Variants in TLN2 observed in about 807,000 individuals in gnomAD.
The protein encoded by TLN2 is talin 2.
A neutral mutation model predicts 294.7 loss-of-function variants in TLN2; 118 were observed. The ratio of observed to expected loss-of-function variants is 0.40; its 90% confidence interval spans 0.34 to 0.47. TLN2 has a LOEUF of 0.47. Among genes scored for constraint, TLN2 ranks in the 20% least tolerant of loss-of-function variants. The pLI is 0.84. For synonymous variants in TLN2, 1,431 were observed against 1,304.5 expected (o/e 1.10, Z -2.09); for missense variants, 3,083 against 3,282.2 (o/e 0.94, Z 1.48).
chr15:62,707,198 T>C lies in TLN2; in HGVS notation c.2117T>C (p.Ile706Thr), dbSNP rs772507203. ...AEDTVLQNRV[I>T]AAATQCALST... ...GACACTGTCCTACAGAACAGGGTAA[T>C]TGCTGCTGCCACCCAGTGTGCCCTC... Residue 706 changes from isoleucine to threonine, a missense_variant, in exon 20 of 59, where the codon ATT (isoleucine) becomes ACT (threonine). Coordinates refer to ENST00000636159, the MANE Select transcript of TLN2 (RefSeq NM_015059.3). The C allele has an allele frequency of 1.2e-6, 2 of 1,613,984 alleles. No individual in the cohort carries two copies. Among genetic ancestry groups the C allele is most frequent in the Non-Finnish European group, 1.7e-6 (2 of 1,179,916 alleles).
At chr15:62,612,173 A>G (rs566456575) in intron 2 of TLN2, among the ~76,000 whole-genome samples, 204 of 152,314 alleles carry the variant, frequency 1.3e-3, no homozygotes, top group Non-Finnish European at 2.2e-3. Context: ...TCATTGAACA[A>G]TCGTCCTTCA....
In TLN2 at chr15:62,783,869, A is replaced by G. The variant is rs148751789; in HGVS notation, c.5715A>G (p.Ala1905=). Residue 1905 remains alanine, a synonymous_variant, in exon 45 of 59, where the codon GCA becomes GCG. Coordinates refer to ENST00000636159, the MANE Select transcript of TLN2 (RefSeq NM_015059.3). Reference sequence around the variant, plus strand: ...TGGCTTTCCAGGGCCAGATGGCAGCAGCCACGGCGGAACCAGAGGAGGTCT... The same window carrying G: ...TGGCTTTCCAGGGCCAGATGGCAGCGGCCACGGCGGAACCAGAGGAGGTCT... ...GHLAFQGQMA[A]ATAEPEEIGF... 2 of 1,613,992 alleles carry G rather than the reference A, an allele frequency of 1.2e-6. No individual in the cohort carries two copies. The highest frequency in any genetic ancestry group is 1.3e-5 in the African/African-American group (1 of 74,934).
At chr15:62,746,207 GA>G (rs1377435193) in intron 32 of TLN2, among the ~76,000 whole-genome samples, 1 of 152,126 alleles carries the variant, frequency 6.6e-6, no homozygotes, top group Non-Finnish European at 1.5e-5. Context: ...AAGCTAAATA[GA>G]AAGTTTCTGT....
intron 1 of TLN2, among the ~76,000 whole-genome samples, chr15:62,451,869 C>A (rs1245087087): frequency 2.0e-5 from 3 of 152,160 alleles, no homozygotes; most frequent in Non-Finnish European, 4.4e-5. Flanking sequence ...TGTTTTGTGT[C>A]AAACACCCTC....
chr15:62,473,404 A>G (rs1211024148), intron 1 of TLN2, among the ~76,000 whole-genome samples: 1 of 151,836 alleles, frequency 6.6e-6, no homozygotes, highest in Admixed American at 6.6e-5. Context: ...TGCAAAATGT[A>G]GGTGTAATTT....
intron 9 of TLN2, among the ~76,000 whole-genome samples, chr15:62,661,471 CA>C (rs2053820339): frequency 6.6e-6 from 1 of 152,084 alleles, no homozygotes; most frequent in East Asian, 1.9e-4. Flanking sequence ...GCTTTCAAGC[CA>C]GTAGGGGTAG....
chr15:62,651,260 T>C (rs185373458), intron 5 of TLN2, among the ~76,000 whole-genome samples: 1 of 152,254 alleles, frequency 6.6e-6, no homozygotes, highest in Admixed American at 6.5e-5. Context: ...CTGAGGATGG[T>C]TTTCAGTAAT....
chr15:62,461,747 G>A (rs2036817481), intron 1 of TLN2, among the ~76,000 whole-genome samples: 2 of 152,178 alleles, frequency 1.3e-5, no homozygotes, highest in Admixed American at 6.5e-5. Context: ...AAGGCCAACA[G>A]GTAAGAGGCG....
At chr15:62,525,381 A>G (rs1025491823) in intron 1 of TLN2, among the ~76,000 whole-genome samples, 1 of 152,206 alleles carries the variant, frequency 6.6e-6, no homozygotes, top group East Asian at 1.9e-4. Context: ...ATACAGATTT[A>G]TGCAACTTGG....
At chr15:62,479,928 C>A (rs532687485) in intron 1 of TLN2, among the ~76,000 whole-genome samples, 3 of 152,224 alleles carry the variant, frequency 2.0e-5, no homozygotes, top group Non-Finnish European at 4.4e-5. Flanking sequence ...ATTTGCTTGC[C>A]TAAAGCCAGC....
At chr15:62,634,752 C>T (rs769483826) in intron 3 of TLN2, among the ~76,000 whole-genome samples, 2 of 152,306 alleles carry the variant, frequency 1.3e-5, no homozygotes, top group South Asian at 2.1e-4. Context: ...TTTTGTAATT[C>T]GGGTTCGATC....
chr15:62,569,025 A>T (rs151184532), intron 1 of TLN2, among the ~76,000 whole-genome samples: 2 of 152,048 alleles, frequency 1.3e-5, no homozygotes, highest in Admixed American at 6.5e-5. Flanking sequence ...TCTGGGGAGA[A>T]TCCTTCTCTG....
Position 62,698,540 on chromosome 15 carries a change from C to T in TLN2, c.1474-214C>T, listed in dbSNP as rs141855241. Among the ~76,000 whole-genome samples the T allele has an allele frequency of 2.0e-3, 306 of 152,344 alleles. 4 individuals are homozygous for T. Among genetic ancestry groups the T allele is most frequent in the East Asian group, 0.015 (79 of 5,186 alleles). ...CACACACTTCTGATTATAATCCCTC[C>T]GTGGCAATCACCTTCATTTTGTGTT... On this transcript the variant is annotated intron_variant, in intron 15 of 58. Transcript: ENST00000636159.
At chr15:62,553,400 A>T (rs2042431045) in intron 1 of TLN2, among the ~76,000 whole-genome samples, 1 of 152,026 alleles carries the variant, frequency 6.6e-6, no homozygotes, top group South Asian at 2.1e-4. Context: ...CAGGAGAATC[A>T]CTTGAACCCA....
At chr15:62,518,051 T>C (rs1166587953) in intron 1 of TLN2, among the ~76,000 whole-genome samples, 1 of 152,170 alleles carries the variant, frequency 6.6e-6, no homozygotes, top group Admixed American at 6.5e-5. Flanking sequence ...GCAGTTTTTT[T>C]TTTTTTGAGA....
intron 9 of TLN2, among the ~76,000 whole-genome samples, chr15:62,664,351 C>G (rs758463689): frequency 3.3e-5 from 5 of 152,016 alleles, no homozygotes; most frequent in Non-Finnish European, 5.9e-5. Flanking sequence ...TCAGAAAATA[C>G]AAAATCAAAA....
At chr15:62,420,839 T>C (rs772653072) in intron 1 of TLN2, among the ~76,000 whole-genome samples, 33 of 152,294 alleles carry the variant, frequency 2.2e-4, no homozygotes, top group Non-Finnish European at 4.4e-4. Flanking sequence ...ATTGGGGGTC[T>C]GAAGGAACTC....
intron 51 of TLN2, among the ~76,000 whole-genome samples, 184 bp downstream of exon 51, chr15:62,805,969 G>A (rs1488568824): frequency 2.0e-5 from 3 of 152,106 alleles, no homozygotes; most frequent in Admixed American, 6.5e-5. Context: ...CAGGAGGATC[G>A]CTTGAGACCA....
In TLN2 at chr15:62,664,875, A is replaced by AAAAAAAAAAAAAAAAG. The variant is rs1555462003; in HGVS notation, c.788+6980_788+6981insAAAAAAAAAAAAGAAA. On this transcript the variant is annotated intron_variant, in intron 9 of 58. Transcript: ENST00000636159. ...ACTGTCTCAAAAAAAAAAAAAAAAA[A>AAAAAAAAAAAAAAAAG]AAAGTGGCTACCTAATAAAGAAAGG... Among the ~76,000 whole-genome samples, 99 of 146,556 alleles carry AAAAAAAAAAAAAAAAG rather than the reference A, an allele frequency of 6.8e-4. 3 individuals carry two copies. Among genetic ancestry groups the AAAAAAAAAAAAAAAAG allele is most frequent in the African/African-American group, 2.4e-3 (90 of 37,532 alleles).
Sources: gnomAD v4.1 joint callset for allele counts (sites outside exome capture counted in the v4.1 genomes callset) on GRCh38, gnomAD v4.1.1 for gene constraint, MANE v1.5 for transcripts, NCBI Gene and HGNC (gene_info 2026-07-23, HGNC 2026-07-21) for gene names.